Variants in AKNA observed in about 807,000 individuals in gnomAD.
The protein encoded by AKNA is microtubule organization protein AKNA.
AKNA carries 67 observed loss-of-function variants against 138.8 expected under a neutral mutation model. The ratio of observed to expected loss-of-function variants is 0.48; its 90% CI spans 0.40 to 0.59. The LOEUF (loss-of-function observed/expected upper bound fraction) is 0.59, where lower values mean the gene tolerates loss of function less well. Ranked by LOEUF, AKNA falls within the 20% of genes least tolerant of loss-of-function variation. The pLI, the probability that AKNA is intolerant of heterozygous loss-of-function variation, is 0.00. For missense variants in AKNA, 1,813 were observed against 1,880.4 expected (o/e 0.96, Z 0.66); for synonymous variants, 737 against 754.4 (o/e 0.98, Z 0.38).
In AKNA at chr9:114,350,740, T is replaced by G. The variant is rs936321368; in HGVS notation, c.3221+119A>C. The G allele has an allele frequency of 6.6e-6, 8 of 1,218,006 alleles. No individual in the cohort carries two copies. In the African/African-American group the frequency reaches 1.2e-4, roughly 19 times the overall value. The allele number at this position is 1,218,006 out of a possible 1,614,324, so 75.4% of individuals were successfully genotyped here. ...AGGCAGGACACCTGGGTCCGTCTGC[T>G]CCTACCACCACCATCTGTGTGAGCT... On this transcript the variant is annotated intron_variant, in intron 15 of 21. Coordinates refer to ENST00000374088, the MANE Select transcript of AKNA (RefSeq NM_001317950.2).
downstream of AKNA, chr9:114,331,586 T>G (rs754917453): frequency 3.7e-6 from 6 of 1,613,900 alleles, no homozygotes; most frequent in East Asian, 1.1e-4. Flanking sequence ...GAGAACATGT[T>G]GCTCACCTGC....
rs750191720 is a variant in AKNA at position 114,358,084 on chromosome 9, C to A, written c.2576G>T (p.Gly859Val). 6.2e-7 allele frequency: 1 copy of A among 1,614,058 alleles called. No individual in the cohort carries two copies. The highest frequency in any genetic ancestry group is 8.5e-7 in the Non-Finnish European group (1 of 1,179,932). Reference protein sequence around the residue: ...LARDGHMSGLGKAEAAPPGPG... With the variant: ...LARDGHMSGLVKAEAAPPGPG... The stretch of plus-strand genomic sequence containing the variant: ...GCCTGGAGGGGCTGCCTCAGCCTTG[C>A]CCAGGCCTGACATGTGCCCGTCTCT... Residue 859 changes from glycine (G) to valine (V), a missense_variant, in exon 12 of 22, where the codon GGC (glycine) becomes GTC (valine). Coordinates refer to ENST00000374088, the MANE Select transcript of AKNA (RefSeq NM_001317950.2).
At chr9:114,346,900 T>C in intron 16 of AKNA, 116 bp from the exon 17 acceptor site, 3 of 842,406 alleles carry the variant, frequency 3.6e-6, no homozygotes, top group Non-Finnish European at 5.5e-6. Flanking sequence ...AGGAAGAGAG[T>C]ATAGAAGTCA....
rs10982189 is a variant in AKNA at position 114,382,551 on chromosome 9, C to G, written c.-113-1105G>C. 1.3e-3 allele frequency among the ~76,000 whole-genome samples: 191 copies of G among 150,162 alleles called. 4 individuals carry two copies. The East Asian group carries it at 0.03, about 24-fold the overall frequency. ...TGAGCCATGACAGCGCCACTGCACTCCAGCCTGGGCAACAAAGTGAGACCC... is the reference window on the plus strand; with the variant it reads ...TGAGCCATGACAGCGCCACTGCACTGCAGCCTGGGCAACAAAGTGAGACCC... On this transcript the variant is annotated intron_variant, in intron 1 of 21. Transcript: ENST00000374088.
intron 2 of AKNA, among the ~76,000 whole-genome samples, chr9:114,380,172 C>A (rs1179291180): frequency 6.6e-6 from 1 of 151,702 alleles, no homozygotes; most frequent in Admixed American, 6.6e-5. Context: ...AAAATAAAGT[C>A]AAAAATGGAC....
chr9:114,377,278 G>A lies in AKNA; in HGVS notation c.529C>T (p.Gln177Ter). The change falls in exon 3 of 22, where the codon CAA becomes TAA. Residue 177 changes from glutamine to a stop codon, truncating the protein, a stop_gained. Coordinates refer to ENST00000374088, the MANE Select transcript of AKNA (RefSeq NM_001317950.2). LOFTEE classifies it high-confidence loss of function. ...QARGWVASGE[Q>*]ASGDKLSEHS... Reference sequence around the variant, plus strand: ...TCAGAAAGTTTGTCCCCACTGGCTTGTTCGCCAGAAGCCACCCAGCCCCTG... The same window carrying A: ...TCAGAAAGTTTGTCCCCACTGGCTTATTCGCCAGAAGCCACCCAGCCCCTG... 1 of 1,613,956 alleles carries A rather than the reference G, an allele frequency of 6.2e-7. No homozygotes were observed. Among genetic ancestry groups the A allele is most frequent in the Non-Finnish European group, 8.5e-7 (1 of 1,180,010 alleles).
At chr9:114,331,716 C>A (rs779980230), downstream of AKNA, 31 of 1,589,446 alleles carry the variant, frequency 2.0e-5, no homozygotes, top group South Asian at 2.4e-4. Context: ...CCCTCTCAGG[C>A]CTCACCCCCC....
At chr9:114,345,245 T>C (rs1250827306) in intron 18 of AKNA, 1 of 151,886 alleles carries the variant, frequency 6.6e-6, no homozygotes, top group Non-Finnish European at 1.5e-5. Flanking sequence ...CCCAGCTAAT[T>C]TTTTTTGCAT....
chr9:114,362,462 G>A lies in AKNA; in HGVS notation c.1860C>T (p.His620=). The A allele has an allele frequency of 6.2e-7, 1 of 1,613,254 alleles. No homozygotes were observed. Among genetic ancestry groups the A allele is most frequent in the Non-Finnish European group, 8.5e-7 (1 of 1,179,716 alleles). ...TGGAGCCGGCAAGCGGCTGGGCAGG[G>A]TGTTGCTCCCGACAAGCCTTCAGGT... is the stretch of plus-strand genomic sequence containing the variant. ...EEYLKACREQ[H]PAQPLAGSKG... is the part of the protein sequence containing the mutation. Residue 620 remains histidine (H), a synonymous_variant, in exon 8 of 22, where the codon CAC becomes CAT. Coordinates refer to ENST00000374088, the MANE Select transcript of AKNA (RefSeq NM_001317950.2).
At chr9:114,371,545 G>A (rs1832767907) in intron 4 of AKNA, among the ~76,000 whole-genome samples, 1 of 152,272 alleles carries the variant, frequency 6.6e-6, no homozygotes, top group Non-Finnish European at 1.5e-5. Context: ...TCAGGGAGAT[G>A]TAGGTTTCAG....
At chr9:114,380,224 T>G (rs908323686) in intron 2 of AKNA, among the ~76,000 whole-genome samples, 2 of 151,834 alleles carry the variant, frequency 1.3e-5, no homozygotes, top group Admixed American at 6.6e-5. Context: ...AAAGATATGA[T>G]CAAATCAAGT....
At chr9:114,331,966 A>C, downstream of AKNA, 1 of 1,588,774 alleles carries the variant, frequency 6.3e-7, no homozygotes, top group East Asian at 2.2e-5. Flanking sequence ...CACCTTGTCC[A>C]TGGCCCAACT....
chr9:114,359,950 C>G lies in AKNA; in HGVS notation c.2237G>C (p.Arg746Pro). The change falls in exon 10 of 22, where the codon CGA (arginine) becomes CCA (proline). Residue 746 changes from arginine to proline, a missense_variant. Transcript: ENST00000374088. ...CATCTGCAGCTCCTTGTGCCTGAGT[C>G]GGGCCAGGGGGTCCTGTGGCCTGTC... Reference protein sequence around the residue: ...VEDRPQDPLARLRHKELQMEQ... With the variant: ...VEDRPQDPLAPLRHKELQMEQ... The G allele has an allele frequency of 6.2e-7, 1 of 1,614,204 alleles. No individual in the cohort carries two copies. Among genetic ancestry groups the G allele is most frequent in the Non-Finnish European group, 8.5e-7 (1 of 1,180,024 alleles).
At chr9:114,354,793 A>G (rs568641353) in intron 14 of AKNA, among the ~76,000 whole-genome samples, 1 of 152,232 alleles carries the variant, frequency 6.6e-6, no homozygotes, top group Admixed American at 6.5e-5. Flanking sequence ...AAAGTATAGT[A>G]AATACATAAA....
intron 6 of AKNA, among the ~76,000 whole-genome samples, chr9:114,364,827 C>T (rs573530157): frequency 1.4e-4 from 21 of 152,238 alleles, no homozygotes; most frequent in Non-Finnish European, 2.4e-4. Context: ...GTGAAACCTG[C>T]AGGAATTTAC....
In AKNA at chr9:114,346,739, C is replaced by A; in HGVS notation, c.3444G>T (p.Gln1148His). 1.2e-6 allele frequency: 2 copies of A among 1,613,292 alleles called. No homozygotes were observed. The highest frequency in any genetic ancestry group is 1.7e-6 in the Non-Finnish European group (2 of 1,179,680). The change falls in exon 17 of 22, where the codon CAG becomes CAT. Residue 1148 changes from glutamine to histidine, a missense_variant. Gln to His is a conservative substitution (Grantham distance 24). Transcript: ENST00000374088. ...RLPGEPRGEE[Q>H]IVPPGRQRAR... is the part of the protein sequence containing the mutation. ...CTCGCTGCCTTCCTGGAGGGACAAT[C>A]TGCTCTTCACCTCTAGGCTCACCAG...
intron 1 of AKNA, among the ~76,000 whole-genome samples, chr9:114,386,168 A>G (rs1834016739): frequency 2.6e-5 from 4 of 152,196 alleles, no homozygotes; most frequent in Admixed American, 2.6e-4. Context: ...AGTGGGCGCA[A>G]ATTAACTTTT....
chr9:114,339,022 TG>T (rs1830168415), intron 21 of AKNA, among the ~76,000 whole-genome samples: 1 of 152,200 alleles, frequency 6.6e-6, no homozygotes, highest in South Asian at 2.1e-4. Flanking sequence ...GACCGTCTGG[TG>T]TAAGTAACTA....
intron 3 of AKNA, among the ~76,000 whole-genome samples, chr9:114,375,783 T>C (rs1589015082): frequency 1.3e-5 from 2 of 152,142 alleles, no homozygotes; most frequent in Admixed American, 1.3e-4. Context: ...CTCTTGTATA[T>C]GTTTTAATTT....
Sources: gnomAD v4.1 joint callset for allele counts (sites outside exome capture counted in the v4.1 genomes callset) on GRCh38, gnomAD v4.1.1 for gene constraint, MANE v1.5 for transcripts, NCBI Gene and HGNC (gene_info 2026-07-23, HGNC 2026-07-21) for gene names.